Variants in SH3RF3 observed in about 807,000 individuals in gnomAD.
SH3RF3 encodes the protein E3 ubiquitin-protein ligase SH3RF3.
Under a neutral mutation model 66.3 loss-of-function variants are expected in SH3RF3, and 29 were observed. The ratio of observed to expected loss-of-function variants is 0.44; its 90% CI spans 0.33 to 0.60. The LOEUF is 0.60. Among genes scored for constraint, SH3RF3 ranks in the 20% least tolerant of loss-of-function variants. The pLI, the probability that SH3RF3 is intolerant of heterozygous loss-of-function variation, is 0.04. For synonymous variants in SH3RF3, 583 were observed against 532.0 expected (o/e 1.10, Z -1.32); for missense variants, 1,194 against 1,190.9 (o/e 1.00, Z -0.04).
chr2:109,453,523 C>A (rs1370439826), intron 8 of SH3RF3, among the ~76,000 whole-genome samples: 2 of 152,176 alleles, frequency 1.3e-5, no homozygotes, highest in East Asian at 3.8e-4. Flanking sequence ...GAGAGTCACC[C>A]AGAAGAGAAG....
In SH3RF3 at chr2:109,316,563, C is replaced by A. The variant is rs188001643; in HGVS notation, c.574-31111C>A. ...TTTAAATAGACTTTCTGTTTTAGAGCAGTTTTAGGTTCACAGCAAGATTGA... is the reference window on the plus strand; with the variant it reads ...TTTAAATAGACTTTCTGTTTTAGAGAAGTTTTAGGTTCACAGCAAGATTGA... On this transcript the variant is annotated intron_variant, in intron 1 of 9. Coordinates refer to ENST00000309415, the MANE Select transcript of SH3RF3 (RefSeq NM_001099289.3). Among the ~76,000 whole-genome samples the A allele has an allele frequency of 1.1e-3, 169 of 152,284 alleles. 6 individuals are homozygous for A. Among genetic ancestry groups the A allele is most frequent in the Admixed American group, 0.011 (169 of 15,304 alleles).
chr2:109,401,879 C>T (rs1180958406), intron 4 of SH3RF3, among the ~76,000 whole-genome samples: 1 of 152,250 alleles, frequency 6.6e-6, no homozygotes, highest in African/African-American at 2.4e-5. Flanking sequence ...TGCATACTAC[C>T]TGGCTCCACA....
chr2:109,202,775 T>G (rs1196274364), intron 1 of SH3RF3, among the ~76,000 whole-genome samples: 3 of 152,106 alleles, frequency 2.0e-5, no homozygotes, highest in Non-Finnish European at 1.5e-5. Flanking sequence ...ATGGAGCTCT[T>G]AGGATCATAC....
At chr2:109,486,168 C>A (rs1454989801) in intron 8 of SH3RF3, among the ~76,000 whole-genome samples, 1 of 152,246 alleles carries the variant, frequency 6.6e-6, no homozygotes, top group Non-Finnish European at 1.5e-5. Context: ...TCTTTGTCGT[C>A]TGGAAATCAC....
At chr2:109,373,871 C>T (rs1206267029) in intron 3 of SH3RF3, among the ~76,000 whole-genome samples, 1 of 152,166 alleles carries the variant, frequency 6.6e-6, no homozygotes, top group Admixed American at 6.5e-5. Context: ...GGCCCCTCAG[C>T]CCCTCCTCTG....
intron 1 of SH3RF3, among the ~76,000 whole-genome samples, chr2:109,182,861 A>G (rs1055606830): frequency 5.9e-5 from 9 of 152,248 alleles, no homozygotes; most frequent in African/African-American, 2.2e-4. Flanking sequence ...TTATTTCCAT[A>G]TGCATATTGC....
At chr2:109,181,764 C>G (rs1040434753) in intron 1 of SH3RF3, among the ~76,000 whole-genome samples, 1 of 152,200 alleles carries the variant, frequency 6.6e-6, no homozygotes, top group African/African-American at 2.4e-5. Context: ...TTCCATCTGT[C>G]TCCCTGCCTT....
At chr2:109,197,183 G>T (rs182123734) in intron 1 of SH3RF3, among the ~76,000 whole-genome samples, 1 of 152,176 alleles carries the variant, frequency 6.6e-6, no homozygotes, top group African/African-American at 2.4e-5. Flanking sequence ...CCAGGAAGGC[G>T]GTAGTCTTGT....
At position 109,503,218 on chromosome 2, in the gene SH3RF3, T is replaced by C. The variant is rs2104422964; in HGVS notation, c.*1547T>C. On this transcript the variant is annotated 3_prime_UTR_variant, in exon 10 of 10. Transcript: ENST00000309415. ...CATCACCCCTCTCTCCACCTATATT[T>C]TTACAAATACCATTCAGACTTAAAT... is the stretch of plus-strand genomic sequence containing the variant. 6.6e-6 allele frequency: 1 copy of C among 152,338 alleles called. No homozygotes were observed. Among genetic ancestry groups the C allele is most frequent in the Non-Finnish European group, 1.5e-5 (1 of 68,034 alleles). 9.4% of individuals were successfully genotyped at this position (152,338 alleles called of 1,614,324 possible).
intron 3 of SH3RF3, among the ~76,000 whole-genome samples, chr2:109,382,506 G>C (rs1299312245): frequency 6.6e-6 from 1 of 152,132 alleles, no homozygotes; most frequent in Non-Finnish European, 1.5e-5. Flanking sequence ...TCCACACTTA[G>C]CACATGCCCT....
At chr2:109,222,368 T>A (rs1474048296) in intron 1 of SH3RF3, among the ~76,000 whole-genome samples, 2 of 152,228 alleles carry the variant, frequency 1.3e-5, no homozygotes, top group Non-Finnish European at 2.9e-5. Flanking sequence ...AAAGAAATGA[T>A]AAAGATTTGA....
intron 3 of SH3RF3, among the ~76,000 whole-genome samples, chr2:109,391,005 A>T (rs62152250): frequency 0.026 from 3,913 of 152,306 alleles, 64 homozygotes; most frequent in Non-Finnish European, 0.039. Flanking sequence ...CCAGAGGCGG[A>T]CAAGGTGGAC....
chr2:109,153,668 T>G (rs1439946360), intron 1 of SH3RF3, among the ~76,000 whole-genome samples: 1 of 152,286 alleles, frequency 6.6e-6, no homozygotes, highest in East Asian at 1.9e-4. Flanking sequence ...ATTTTATTTC[T>G]GACACACTGG....
At chr2:109,347,073 G>A (rs145412976) in intron 1 of SH3RF3, among the ~76,000 whole-genome samples, 1 of 152,312 alleles carries the variant, frequency 6.6e-6, no homozygotes, top group Non-Finnish European at 1.5e-5. Context: ...CACGACGGAT[G>A]CCATGCACGC....
At chr2:109,170,219 T>TTTCTC (rs1318151343) in intron 1 of SH3RF3, among the ~76,000 whole-genome samples, 63 of 148,288 alleles carry the variant, frequency 4.2e-4, no homozygotes, top group African/African-American at 1.5e-3. Context: ...CTCTCTCTTT[T>TTTCTC]TTCTCTTCTC....
At chr2:109,345,196 T>C (rs1682656676) in intron 1 of SH3RF3, among the ~76,000 whole-genome samples, 1 of 152,186 alleles carries the variant, frequency 6.6e-6, no homozygotes, top group Non-Finnish European at 1.5e-5. Context: ...CCTGCCACAC[T>C]ACCTAAGTTG....
At chr2:109,474,030 T>A (rs1203654506) in intron 8 of SH3RF3, among the ~76,000 whole-genome samples, 1 of 152,174 alleles carries the variant, frequency 6.6e-6, no homozygotes, top group Non-Finnish European at 1.5e-5. Flanking sequence ...CTGGAGACTT[T>A]CTGTGCCTCT....
chr2:109,335,748 G>A (rs375647361), intron 1 of SH3RF3, among the ~76,000 whole-genome samples: 4 of 152,138 alleles, frequency 2.6e-5, no homozygotes, highest in African/African-American at 7.2e-5. Flanking sequence ...CACAAGTAAC[G>A]GGCACTCATT....
chr2:109,345,387 G>A (rs200463453), intron 1 of SH3RF3, among the ~76,000 whole-genome samples: 9 of 152,276 alleles, frequency 5.9e-5, no homozygotes, highest in South Asian at 2.1e-4. Flanking sequence ...GGAGTGCAGC[G>A]TGTAGGCAGG....
Sources: allele counts gnomAD v4.1 joint callset (sites outside exome capture counted in the v4.1 genomes callset), GRCh38; gene constraint gnomAD v4.1.1; transcripts MANE v1.5; gene names NCBI Gene and HGNC (gene_info 2026-07-23, HGNC 2026-07-21).